The following CEP128 variants were observed in gnomAD, a reference collection of about 807,000 sequenced individuals.
CEP128 encodes the protein centrosomal protein 128.
A neutral mutation model predicts 156.7 loss-of-function variants in CEP128; 132 were observed. The ratio of observed to expected loss-of-function variants is 0.84; its 90% CI spans 0.73 to 0.97. CEP128 has a LOEUF of 0.97. CEP128 is among the 50% of genes least tolerant of loss of function. The pLI is 0.00. For synonymous variants in CEP128, 469 were observed against 448.9 expected (o/e 1.04, Z -0.57); for missense variants, 1,252 against 1,281.9 (o/e 0.98, Z 0.36).
intron 19 of CEP128, among the ~76,000 whole-genome samples, chr14:80,715,418 G>A (rs952770399): frequency 6.6e-6 from 1 of 152,050 alleles, no homozygotes; most frequent in African/African-American, 2.4e-5. Flanking sequence ...CCTGCTATTT[G>A]CTAGGCATTG....
intron 22 of CEP128, among the ~76,000 whole-genome samples, chr14:80,528,842 A>C (rs1300059279): frequency 6.6e-6 from 1 of 152,192 alleles, no homozygotes; most frequent in African/African-American, 2.4e-5. Context: ...ATTCTTGTTC[A>C]CGCCACACTG....
intron 19 of CEP128, among the ~76,000 whole-genome samples, chr14:80,680,358 C>T (rs902000834): frequency 6.6e-6 from 1 of 152,168 alleles, no homozygotes; most frequent in African/African-American, 2.4e-5. Context: ...ACCCACTTGC[C>T]TAGACCAGCA....
At chr14:80,530,223 G>A (rs2140274875) in intron 22 of CEP128, among the ~76,000 whole-genome samples, 1 of 152,326 alleles carries the variant, frequency 6.6e-6, no homozygotes, top group African/African-American at 2.4e-5. Flanking sequence ...GGCAGGACTG[G>A]CAGCAGAGAT....
At chr14:80,600,757 C>A (rs771057949) in intron 19 of CEP128, among the ~76,000 whole-genome samples, 1 of 151,808 alleles carries the variant, frequency 6.6e-6, no homozygotes, top group Non-Finnish European at 1.5e-5. Flanking sequence ...TTTGTAACTC[C>A]TTTTATTTCC....
intron 2 of CEP128, among the ~76,000 whole-genome samples, chr14:80,931,439 C>T (rs925802872): frequency 6.6e-6 from 1 of 152,224 alleles, no homozygotes; most frequent in Non-Finnish European, 1.5e-5. Context: ...ATGCCCTTAA[C>T]TCATGTCTGT....
At chr14:80,596,842 A>AAAAAAAAAAAAGG (rs1555379468) in intron 19 of CEP128, among the ~76,000 whole-genome samples, 3 of 69,828 alleles carry the variant, frequency 4.3e-5, no homozygotes, top group Non-Finnish European at 5.8e-5. Context: ...AAAAAAAAAA[A>AAAAAAAAAAAAGG]GGTGGGGGGG....
intron 19 of CEP128, among the ~76,000 whole-genome samples, chr14:80,612,205 T>G (rs987288290): frequency 5.9e-5 from 9 of 152,234 alleles, no homozygotes; most frequent in Non-Finnish European, 1.0e-4. Flanking sequence ...GGTGTTTTTT[T>G]GTCAAATATT....
At chr14:80,923,776 A>C (rs886616657) in intron 2 of CEP128, among the ~76,000 whole-genome samples, 2 of 152,210 alleles carry the variant, frequency 1.3e-5, no homozygotes, top group Non-Finnish European at 2.9e-5. Context: ...TGATATGGTT[A>C]GGCTTTGCGT....
intron 18 of CEP128, among the ~76,000 whole-genome samples, chr14:80,749,381 T>G (rs1009063267): frequency 6.6e-6 from 1 of 152,302 alleles, no homozygotes; most frequent in South Asian, 2.1e-4. Flanking sequence ...GCAACCTAAT[T>G]GTCCATCGAC....
chr14:80,725,598 A>T (rs529035291), intron 19 of CEP128, among the ~76,000 whole-genome samples: 2 of 152,288 alleles, frequency 1.3e-5, no homozygotes, highest in South Asian at 4.1e-4. Context: ...TAACTGATGA[A>T]AATTTAATAT....
chr14:80,954,825 T>G, intron 2 of CEP128, among the ~76,000 whole-genome samples: 1 of 152,232 alleles, frequency 6.6e-6, no homozygotes, highest in Non-Finnish European at 1.5e-5. Context: ...GGAATATGAC[T>G]CAATGAAATT....
chr14:80,788,288 C>CTTTTTTTTTTTTT (rs10628361), intron 14 of CEP128, among the ~76,000 whole-genome samples: 24 of 97,244 alleles, frequency 2.5e-4, no homozygotes, highest in East Asian at 3.6e-4. Context: ...TGGCCAGGAT[C>CTTTTTTTTTTTTT]TTTTTTTTTT....
chr14:80,488,641 C>T (rs1055291596), downstream of CEP128, among the ~76,000 whole-genome samples: 1 of 151,958 alleles, frequency 6.6e-6, no homozygotes, highest in Non-Finnish European at 1.5e-5. Context: ...TGGGTATATA[C>T]CCAAAGGATT....
intron 20 of CEP128, among the ~76,000 whole-genome samples, chr14:80,567,298 G>GGTAT (rs1890954955): frequency 6.6e-6 from 1 of 152,066 alleles, no homozygotes; most frequent in African/African-American, 2.4e-5. Flanking sequence ...TATTGAAGTG[G>GGTAT]GGTATGTGTA....
chr14:80,957,932 TG>T (rs1346568573), intron 2 of CEP128: 1 of 152,094 alleles, frequency 6.6e-6, no homozygotes, highest in African/African-American at 2.4e-5. Context: ...GATCTGCCCT[TG>T]AGAATAATGG....
intron 19 of CEP128, among the ~76,000 whole-genome samples, chr14:80,683,150 T>C (rs1041434155): frequency 6.6e-6 from 1 of 152,086 alleles, no homozygotes; most frequent in African/African-American, 2.4e-5. Flanking sequence ...ATATAAGTGA[T>C]CTAAATGTCC....
chr14:80,708,936 T>G (rs946451381), intron 19 of CEP128, among the ~76,000 whole-genome samples: 38 of 152,070 alleles, frequency 2.5e-4, no homozygotes, highest in African/African-American at 7.7e-4. Context: ...CTAGCTTCAT[T>G]GTAAACTAAA....
At chr14:80,802,427 T>C (rs1180109342) in intron 13 of CEP128, among the ~76,000 whole-genome samples, 2 of 151,346 alleles carry the variant, frequency 1.3e-5, no homozygotes, top group African/African-American at 2.4e-5. Context: ...CTCAGCAAAC[T>C]AACACAGGAA....
chr14:80,598,498 T>G (rs186494974), intron 19 of CEP128, among the ~76,000 whole-genome samples: 158 of 152,266 alleles, frequency 1.0e-3, no homozygotes, highest in African/African-American at 3.8e-3. Flanking sequence ...TAAGACGTAC[T>G]GTATTCATGG....
Sources: allele counts gnomAD v4.1 joint callset (sites outside exome capture counted in the v4.1 genomes callset), GRCh38; gene constraint gnomAD v4.1.1; transcripts MANE v1.5; gene names NCBI Gene and HGNC (gene_info 2026-07-23, HGNC 2026-07-21).